Variants in TCTN2 observed in about 807,000 individuals in gnomAD.
TCTN2 encodes the protein tectonic family member 2.
Under a neutral mutation model 83.4 loss-of-function variants are expected in TCTN2, and 66 were observed. The observed-to-expected ratio is 0.79, with a 90% CI of 0.65 to 0.97. The LOEUF (loss-of-function observed/expected upper bound fraction) is 0.97, where lower values mean the gene tolerates loss of function less well. Among genes scored for constraint, TCTN2 ranks in the 50% least tolerant of loss-of-function variants. The probability of loss-of-function intolerance (pLI) is 0.00; values close to 1 mark genes in which losing one functional copy is unlikely to be tolerated. For synonymous variants in TCTN2, 301 were observed against 326.7 expected, an observed-to-expected ratio of 0.92 and a Z score of 0.85; for missense variants, 794 against 858.1, an observed-to-expected ratio of 0.93 and a Z score of 0.93.
intron 13 of TCTN2, 99 bp from the exon 14 acceptor site, chr12:123,699,605 A>T: frequency 9.9e-7 from 1 of 1,011,174 alleles, no homozygotes; most frequent in Non-Finnish European, 1.6e-6. Flanking sequence ...GGCAGTTTTT[A>T]ATTTAGGCAC....
rs7309528 is a variant in TCTN2 at position 123,687,111 on chromosome 12, C to T, written c.764+76C>T. On this transcript the variant is annotated intron_variant, in intron 6 of 17. Transcript: ENST00000303372. ...TGGGGCCATACTCTAGTAGGCCCTG[C>T]AACGCGGTCACGTTTTTCCCAACCC... 574,106 of 1,562,850 alleles carry T rather than the reference C, an allele frequency of 0.37. 109,791 individuals are homozygous for T. The highest frequency in any genetic ancestry group is 0.42 in the African/African-American group (30,826 of 73,888).
At chr12:123,679,561 G>A (rs916637698) in intron 5 of TCTN2, among the ~76,000 whole-genome samples, 1 of 151,374 alleles carries the variant, frequency 6.6e-6, no homozygotes, top group African/African-American at 2.4e-5. Flanking sequence ...ATGGGATTTT[G>A]CCATGTTGCT....
chr12:123,700,044 T>G (rs562767628), intron 14 of TCTN2: 23 of 579,022 alleles, frequency 4.0e-5, no homozygotes, highest in South Asian at 2.9e-4. Flanking sequence ...CAGGGTTTCA[T>G]TCTGTCACCC....
chr12:123,686,904 C>G lies in TCTN2; in HGVS notation c.633C>G (p.Val211=), dbSNP rs569266771. The part of the protein sequence containing the change: ...SCFTGVFGGD[V]NPPFDQLCSA... ...TCACCGGCGTGTTTGGAGGAGACGT[C>G]AATCCTCCTTTTGATCAGCTCTGCT... is the stretch of plus-strand genomic sequence containing the variant. The change falls in exon 6 of 18, where the codon GTC becomes GTG. Residue 211 remains valine, a synonymous_variant. Transcript: ENST00000303372. 1.4e-5 allele frequency: 23 copies of G among 1,614,080 alleles called. No individual in the cohort carries two copies. The highest frequency in any genetic ancestry group is 1.9e-5 in the Non-Finnish European group (23 of 1,180,040).
intron 14 of TCTN2, among the ~76,000 whole-genome samples, chr12:123,704,080 C>T (rs1956202085): frequency 6.8e-6 from 1 of 147,732 alleles, no homozygotes; most frequent in African/African-American, 2.5e-5. Context: ...GATCTTGGCT[C>T]ACGGCAAGCT....
intron 9 of TCTN2, 116 bp from the exon 10 acceptor site, chr12:123,694,726 A>T: frequency 9.3e-7 from 1 of 1,072,440 alleles, no homozygotes; most frequent in Non-Finnish European, 1.4e-6. Flanking sequence ...AGCTGGAGAT[A>T]GGGAGGGCAG....
chr12:123,690,755 C>A, intron 8 of TCTN2, 81 bp downstream of exon 8: 1 of 1,533,812 alleles, frequency 6.5e-7, no homozygotes, highest in Non-Finnish European at 9.0e-7. Context: ...TAAATCATTT[C>A]TACTGGTTCA....
intron 1 of TCTN2, 23 bp from the exon 2 acceptor site, chr12:123,671,481 CCTT>C (rs1218556125): frequency 6.2e-7 from 1 of 1,611,494 alleles, no homozygotes; most frequent in Non-Finnish European, 8.5e-7. Flanking sequence ...GCTAACCCCT[CCTT>C]GTCCCCTTTC....
At chr12:123,696,546 A>G in intron 12 of TCTN2, 51 bp downstream of exon 12, 1 of 1,473,718 alleles carries the variant, frequency 6.8e-7, no homozygotes, top group Non-Finnish European at 9.5e-7. Context: ...TGGTGTTAGA[A>G]GTATTACCAT....
At chr12:123,707,578 G>A (rs763611167) in intron 17 of TCTN2, 26 bp from the exon 18 acceptor site, 5 of 1,597,788 alleles carry the variant, frequency 3.1e-6, no homozygotes, top group Non-Finnish European at 4.3e-6. Context: ...AAATACTGCT[G>A]TTGAATTTTG....
rs1956249051 is a variant in TCTN2, at chr12:123,707,784, T to G, written c.*71T>G. 1 of 1,187,916 alleles carries G rather than the reference T, an allele frequency of 8.4e-7. No individual in the cohort carries two copies. The highest frequency in any genetic ancestry group is 1.3e-6 in the Non-Finnish European group (1 of 796,900). The allele number at this position is 1,187,916 out of a possible 1,614,324, so 73.6% of individuals were successfully genotyped here. ...TTGCCCAGGCTGAAGTGATCTCGGCTCACCACAACCTCCTCCTCTTGGGTT... is the reference window on the plus strand; with the variant it reads ...TTGCCCAGGCTGAAGTGATCTCGGCGCACCACAACCTCCTCCTCTTGGGTT... On this transcript the variant is annotated 3_prime_UTR_variant, in exon 18 of 18. Coordinates refer to ENST00000303372, the MANE Select transcript of TCTN2 (RefSeq NM_024809.5).
chr12:123,696,487 G>T lies in TCTN2; in HGVS notation c.1385G>T (p.Trp462Leu). 6.2e-7 allele frequency: 1 copy of T among 1,614,046 alleles called. No homozygotes were observed. The highest frequency in any genetic ancestry group is 1.1e-5 in the South Asian group (1 of 91,068). The change falls in exon 12 of 18, where the codon TGG becomes TTG. Residue 462 changes from tryptophan to leucine, a missense_variant. Coordinates refer to ENST00000303372, the MANE Select transcript of TCTN2 (RefSeq NM_024809.5). The part of the protein sequence containing the change: ...RMNNVTTLHL[W>L]QSAGRGLCTS... Reference sequence around the variant, plus strand: ...AATAATGTCACGACTTTACATCTTTGGCAATCGGGTAATCCGGTTTGGTCA... The same window carrying T: ...AATAATGTCACGACTTTACATCTTTTGCAATCGGGTAATCCGGTTTGGTCA...
At chr12:123,705,117 T>C (rs1956214340) in intron 15 of TCTN2, among the ~76,000 whole-genome samples, 1 of 151,874 alleles carries the variant, frequency 6.6e-6, no homozygotes, top group African/African-American at 2.4e-5. Context: ...AGTTTCCTCC[T>C]CTGTAATATG....
chr12:123,683,902 T>C (rs1053699676), intron 5 of TCTN2, among the ~76,000 whole-genome samples: 4 of 152,116 alleles, frequency 2.6e-5, no homozygotes, highest in Non-Finnish European at 5.9e-5. Context: ...GCCTCCCAAA[T>C]TGCTGGGATC....
intron 9 of TCTN2, 144 bp downstream of exon 9, chr12:123,692,867 A>G: frequency 1.3e-6 from 1 of 748,208 alleles, no homozygotes. Context: ...GGAACATTTC[A>G]TTTGTTCCTC....
chr12:123,681,677 C>G (rs887714617), intron 5 of TCTN2, among the ~76,000 whole-genome samples: 12 of 152,064 alleles, frequency 7.9e-5, no homozygotes, highest in African/African-American at 2.9e-4. Flanking sequence ...TGTTTTTTGG[C>G]TATTATGAAT....
Position 123,707,853 on chromosome 12 carries a change from G to T in TCTN2, c.*140G>T. On this transcript the variant is annotated 3_prime_UTR_variant, in exon 18 of 18. Transcript: ENST00000303372. ...CAGCCTCCGGAGAACTGGGATTACA[G>T]GCATGCACCACCACGCCCGGCTAAT... 1 of 708,764 alleles carries T rather than the reference G, an allele frequency of 1.4e-6. No individual in the cohort carries two copies. The allele number at this position is 708,764 out of a possible 1,614,324, so 43.9% of individuals were successfully genotyped here.
At chr12:123,685,010 A>G (rs1955946816) in intron 5 of TCTN2, among the ~76,000 whole-genome samples, 1 of 150,956 alleles carries the variant, frequency 6.6e-6, no homozygotes. Context: ...AGATCGCGCC[A>G]CTGCACTCCA....
intron 4 of TCTN2, among the ~76,000 whole-genome samples, chr12:123,674,691 C>T (rs1490144455): frequency 2.6e-5 from 4 of 152,050 alleles, no homozygotes; most frequent in African/African-American, 4.8e-5. Context: ...CCCAGGAGTT[C>T]GAGACCAACC....
Sources: allele counts gnomAD v4.1 joint callset (sites outside exome capture counted in the v4.1 genomes callset), GRCh38; gene constraint gnomAD v4.1.1; transcripts MANE v1.5; gene names NCBI Gene and HGNC (gene_info 2026-07-23, HGNC 2026-07-21).